Variants in CAMK2B observed in about 807,000 individuals in gnomAD.
CAMK2B encodes the protein calcium/calmodulin-dependent protein kinase type II subunit beta.
Under a neutral mutation model 93.7 loss-of-function variants are expected in CAMK2B, and 27 were observed. That is an observed-to-expected ratio of 0.29 (90% CI 0.21 to 0.40). CAMK2B has a LOEUF of 0.40. CAMK2B is among the 10% of genes least tolerant of loss of function. The pLI is 1.00. For missense variants in CAMK2B, 568 were observed against 895.8 expected, an observed-to-expected ratio of 0.63 and a Z score of 4.67; for synonymous variants, 374 against 358.8, an observed-to-expected ratio of 1.04 and a Z score of -0.48.
intron 1 of CAMK2B, among the ~76,000 whole-genome samples, chr7:44,285,812 G>C (rs1415406252): frequency 1.5e-5 from 1 of 67,372 alleles, no homozygotes; most frequent in Admixed American, 1.5e-4. Context: ...GAGATGCGGC[G>C]GGGGGGAGGC....
chr7:44,251,132 C>T (rs1393163634), intron 5 of CAMK2B, among the ~76,000 whole-genome samples: 4 of 152,106 alleles, frequency 2.6e-5, no homozygotes, highest in Non-Finnish European at 4.4e-5. Context: ...GCCCTGGCTG[C>T]GTCTGTGTGG....
intron 15 of CAMK2B, among the ~76,000 whole-genome samples, chr7:44,233,888 G>A (rs372914041): frequency 2.0e-5 from 3 of 152,174 alleles, no homozygotes; most frequent in Non-Finnish European, 2.9e-5. Context: ...CTGCACCACC[G>A]TGGCCCCGTC....
intron 1 of CAMK2B, among the ~76,000 whole-genome samples, chr7:44,305,170 T>A (rs1305708740): frequency 2.0e-5 from 3 of 152,200 alleles, no homozygotes; most frequent in Non-Finnish European, 2.9e-5. Context: ...AATACCCACC[T>A]ACGCATGGCC....
chr7:44,322,915 C>T (rs1289428392), intron 1 of CAMK2B, among the ~76,000 whole-genome samples: 1 of 152,228 alleles, frequency 6.6e-6, no homozygotes, highest in Non-Finnish European at 1.5e-5. Context: ...TGGACATGTC[C>T]ACCTGGGGCC....
intron 2 of CAMK2B, among the ~76,000 whole-genome samples, chr7:44,279,053 T>A (rs1489485664): frequency 1.3e-5 from 2 of 152,286 alleles, no homozygotes; most frequent in African/African-American, 4.8e-5. Context: ...TGAGGAAACC[T>A]CTGAATCATT....
chr7:44,262,564 C>T (rs1235040894), intron 3 of CAMK2B, among the ~76,000 whole-genome samples: 1 of 152,222 alleles, frequency 6.6e-6, no homozygotes, highest in Admixed American at 6.5e-5. Context: ...CTTGAGGCCA[C>T]AGAATGTTGG....
At chr7:44,244,882 ACCT>A (rs1157555232) in intron 6 of CAMK2B, 6 of 451,414 alleles carry the variant, frequency 1.3e-5, no homozygotes, top group African/African-American at 4.1e-5. Flanking sequence ...CCCCACCTCC[ACCT>A]CCTCGTCACC....
intron 17 of CAMK2B, 153 bp from the exon 18 acceptor site, chr7:44,229,654 G>T (rs910222557): frequency 3.9e-6 from 2 of 510,824 alleles, no homozygotes; most frequent in Admixed American, 7.3e-5. Flanking sequence ...CCACCTGTGG[G>T]GGTCCTGGGC....
At chr7:44,281,492 G>A (rs1385384518) in intron 2 of CAMK2B, among the ~76,000 whole-genome samples, 1 of 152,178 alleles carries the variant, frequency 6.6e-6, no homozygotes, top group East Asian at 1.9e-4. Flanking sequence ...AGCTTTGCAG[G>A]ACAGCAGAGG....
intron 15 of CAMK2B, among the ~76,000 whole-genome samples, chr7:44,233,083 A>C (rs904240762): frequency 6.6e-6 from 1 of 151,962 alleles, no homozygotes; most frequent in African/African-American, 2.4e-5. Context: ...AATGGACAGG[A>C]GCTCTGTCCA....
chr7:44,285,314 G>A (rs961080851), intron 1 of CAMK2B, among the ~76,000 whole-genome samples: 12 of 152,254 alleles, frequency 7.9e-5, no homozygotes, highest in Admixed American at 7.2e-4. Flanking sequence ...AAAAGGGCCA[G>A]CGGATGCTCT....
intron 1 of CAMK2B, among the ~76,000 whole-genome samples, chr7:44,313,958 G>A (rs191922741): frequency 3.0e-4 from 45 of 152,064 alleles, no homozygotes; most frequent in African/African-American, 9.9e-4. Context: ...GGCCAAAGCC[G>A]CATTTCTGCT....
intron 1 of CAMK2B, among the ~76,000 whole-genome samples, chr7:44,300,988 G>T (rs1383844151): frequency 1.3e-5 from 2 of 152,060 alleles, no homozygotes; most frequent in Admixed American, 6.6e-5. Flanking sequence ...AGCTGGAAAA[G>T]CCCAAAATAC....
intron 2 of CAMK2B, among the ~76,000 whole-genome samples, chr7:44,283,787 G>A (rs1784348209): frequency 6.6e-6 from 1 of 152,230 alleles, no homozygotes; most frequent in Admixed American, 6.5e-5. Flanking sequence ...CAGCTCTGGG[G>A]GCAGAGACCC....
In CAMK2B at chr7:44,241,604, C is replaced by T; in HGVS notation, c.903+96G>A. On this transcript the variant is annotated intron_variant, in intron 11 of 23. Transcript: ENST00000395749. ...GTCAGTCTTGGGGGCAGCAGTAACC[C>T]CTAGGTCTGCCCAGACCCCCCAAGG... 4 of 900,106 alleles carry T rather than the reference C, an allele frequency of 4.4e-6. No individual in the cohort carries two copies. The South Asian group carries it at 5.8e-5, about 13-fold the overall frequency. The allele number at this position is 900,106 out of a possible 1,614,324, so 55.8% of individuals were successfully genotyped here.
chr7:44,279,327 G>T (rs2129084225), intron 2 of CAMK2B, among the ~76,000 whole-genome samples: 1 of 152,318 alleles, frequency 6.6e-6, no homozygotes, highest in South Asian at 2.1e-4. Context: ...ACCATAAAAA[G>T]TTAAATAGGA....
chr7:44,232,791 G>C, intron 16 of CAMK2B, 31 bp downstream of exon 16: 1 of 1,610,502 alleles, frequency 6.2e-7, no homozygotes, highest in Non-Finnish European at 8.5e-7. Flanking sequence ...TCCTGCCTGG[G>C]GAAAGCGGGA....
intron 2 of CAMK2B, chr7:44,267,933 T>A (rs2096934384): frequency 6.6e-6 from 1 of 152,246 alleles, no homozygotes; most frequent in Non-Finnish European, 1.5e-5. Context: ...TTCTAGGTGA[T>A]TTGGCTACAA....
chr7:44,282,190 C>A (rs866161383), intron 2 of CAMK2B, among the ~76,000 whole-genome samples: 1 of 152,218 alleles, frequency 6.6e-6, no homozygotes, highest in Middle Eastern at 3.2e-3. Flanking sequence ...CAGGAACTGG[C>A]CACAGGCACA....
Sources: gnomAD v4.1 joint callset for allele counts (sites outside exome capture counted in the v4.1 genomes callset) on GRCh38, gnomAD v4.1.1 for gene constraint, MANE v1.5 for transcripts, NCBI Gene and HGNC (gene_info 2026-07-23, HGNC 2026-07-21) for gene names.